SORCS3: variants seen among roughly 807,000 people sequenced by gnomAD.
SORCS3 encodes VPS10 domain-containing receptor SorCS3.
SORCS3 carries 57 observed loss-of-function variants against 146.3 expected under a neutral mutation model. That is an observed-to-expected ratio of 0.39 (90% confidence interval 0.31 to 0.49). The LOEUF (loss-of-function observed/expected upper bound fraction) is 0.49, where lower values mean the gene tolerates loss of function less well. Among genes scored for constraint, SORCS3 ranks in the 20% least tolerant of loss-of-function variants. The probability of loss-of-function intolerance (pLI) is 0.92; values close to 1 mark genes in which losing one functional copy is unlikely to be tolerated. For synonymous variants in SORCS3, 653 were observed against 618.5 expected (o/e 1.06, Z -0.83); for missense variants, 1,341 against 1,575.5 (o/e 0.85, Z 2.52).
intron 1 of SORCS3, among the ~76,000 whole-genome samples, chr10:104,678,777 G>T (rs976980535): frequency 2.0e-5 from 3 of 152,202 alleles, no homozygotes; most frequent in Non-Finnish European, 2.9e-5. Context: ...TACTATGGAG[G>T]TTTAAAGAAA....
At chr10:104,980,669 G>A (rs983845935) in intron 4 of SORCS3, among the ~76,000 whole-genome samples, 6 of 152,160 alleles carry the variant, frequency 3.9e-5, no homozygotes, top group Non-Finnish European at 5.9e-5. Flanking sequence ...TTGTGCCTTT[G>A]ATGAAATGCA....
At position 105,214,576 on chromosome 10, in the gene SORCS3, A is replaced by G; in HGVS notation, c.2510A>G (p.Gln837Arg). The G allele has an allele frequency of 1.2e-6, 2 of 1,605,576 alleles. No homozygotes were observed. Among genetic ancestry groups the G allele is most frequent in the South Asian group, 1.1e-5 (1 of 89,860 alleles). ...VTTDGRLVAEQGHNATFIILM... is the reference protein window; with the variant it reads ...VTTDGRLVAERGHNATFIILM... Reference sequence around the variant, plus strand: ...ACCGATGGGCGGCTGGTGGCAGAGCAGGGGCACAATGCAACTTTCATCATC... The same window carrying G: ...ACCGATGGGCGGCTGGTGGCAGAGCGGGGGCACAATGCAACTTTCATCATC... The change falls in exon 18 of 27, where the codon CAG (glutamine) becomes CGG (arginine). Residue 837 changes from glutamine to arginine, a missense_variant. By Grantham distance (43) the Gln-to-Arg change is conservative. Transcript: ENST00000369701.
intron 4 of SORCS3, among the ~76,000 whole-genome samples, chr10:105,012,843 T>C (rs1408194984): frequency 6.6e-6 from 1 of 152,194 alleles, no homozygotes; most frequent in Non-Finnish European, 1.5e-5. Context: ...ATTAAAATCT[T>C]GGGCTTTAAA....
intron 3 of SORCS3, among the ~76,000 whole-genome samples, chr10:104,925,271 T>C (rs1036163932): frequency 6.6e-6 from 1 of 152,266 alleles, no homozygotes; most frequent in Non-Finnish European, 1.5e-5. Context: ...GTAGAACACA[T>C]GACTCGGTTG....
intron 1 of SORCS3, among the ~76,000 whole-genome samples, chr10:104,648,285 A>G (rs1394030215): frequency 1.3e-5 from 2 of 152,230 alleles, no homozygotes; most frequent in Admixed American, 6.5e-5. Context: ...AGACAGAAAC[A>G]TGGCAGCCTG....
chr10:105,133,231 T>G (rs1303886777), intron 7 of SORCS3, among the ~76,000 whole-genome samples: 1 of 152,104 alleles, frequency 6.6e-6, no homozygotes, highest in Non-Finnish European at 1.5e-5. Flanking sequence ...CAGGCAGGAG[T>G]TGAGAGTTCT....
chr10:104,867,467 G>A (rs953836627), intron 2 of SORCS3, among the ~76,000 whole-genome samples: 1 of 151,898 alleles, frequency 6.6e-6, no homozygotes, highest in Non-Finnish European at 1.5e-5. Context: ...CCACCACCAC[G>A]CCCGGCTAAT....
At chr10:105,097,578 T>A (rs1204781273) in intron 6 of SORCS3, among the ~76,000 whole-genome samples, 1 of 152,238 alleles carries the variant, frequency 6.6e-6, no homozygotes, top group Admixed American at 6.5e-5. Context: ...TTGGACAAAT[T>A]TCTTAGCCTT....
chr10:105,061,295 CTTTTTT>C (rs34217607), intron 5 of SORCS3, among the ~76,000 whole-genome samples: 1 of 118,490 alleles, frequency 8.4e-6, no homozygotes, highest in African/African-American at 3.2e-5. Flanking sequence ...AGTGGTGTTC[CTTTTTT>C]TTTTTTTTTT....
At chr10:104,890,347 G>GC in intron 2 of SORCS3, among the ~76,000 whole-genome samples, 1 of 151,148 alleles carries the variant, frequency 6.6e-6, no homozygotes, top group Non-Finnish European at 1.5e-5. Flanking sequence ...TTTTTCCTCA[G>GC]TTTTTTTTTG....
intron 5 of SORCS3, among the ~76,000 whole-genome samples, chr10:105,071,348 A>T (rs2055555200): frequency 6.6e-6 from 1 of 152,238 alleles, no homozygotes; most frequent in Non-Finnish European, 1.5e-5. Context: ...CATGAAGCAC[A>T]CGAGCTTCCT....
At chr10:105,241,048 G>A (rs2056819657) in intron 20 of SORCS3, among the ~76,000 whole-genome samples, 1 of 151,342 alleles carries the variant, frequency 6.6e-6, no homozygotes, top group African/African-American at 2.4e-5. Context: ...CCTATTTTGG[G>A]CTGCTATGAA....
At chr10:104,800,618 C>T (rs2017613960) in intron 1 of SORCS3, among the ~76,000 whole-genome samples, 1 of 152,052 alleles carries the variant, frequency 6.6e-6, no homozygotes, top group East Asian at 1.9e-4. Flanking sequence ...TCTGTACCAT[C>T]CTTTCAATTT....
intron 1 of SORCS3, among the ~76,000 whole-genome samples, chr10:104,740,129 C>G (rs764222206): frequency 3.3e-5 from 5 of 152,090 alleles, no homozygotes; most frequent in Non-Finnish European, 7.4e-5. Context: ...TTTTGCAGTG[C>G]GTACTAACAA....
At chr10:104,844,932 G>A (rs1190248772) in intron 2 of SORCS3, among the ~76,000 whole-genome samples, 3 of 152,284 alleles carry the variant, frequency 2.0e-5, no homozygotes, top group East Asian at 1.9e-4. Context: ...TATCTTTTAA[G>A]GGAGTTTATC....
chr10:105,192,789 C>T (rs1252283341), intron 14 of SORCS3, among the ~76,000 whole-genome samples: 1 of 152,110 alleles, frequency 6.6e-6, no homozygotes, highest in African/African-American at 2.4e-5. Context: ...TGTGGTCAAC[C>T]ATTCTCTTCT....
chr10:104,975,484 C>T, intron 3 of SORCS3, among the ~76,000 whole-genome samples: 1 of 152,120 alleles, frequency 6.6e-6, no homozygotes, highest in Admixed American at 6.6e-5. Context: ...GGCCATACTG[C>T]CCAAGGTAAT....
intron 3 of SORCS3, among the ~76,000 whole-genome samples, chr10:104,921,371 C>T (rs1026431869): frequency 8.5e-5 from 13 of 152,126 alleles, no homozygotes; most frequent in African/African-American, 3.1e-4. Flanking sequence ...ATTACTCTGG[C>T]TCCAAAGTGA....
intron 1 of SORCS3, among the ~76,000 whole-genome samples, chr10:104,800,243 C>CATATAT (rs3976795): frequency 2.4e-4 from 36 of 150,318 alleles, no homozygotes; most frequent in Admixed American, 7.3e-4. Flanking sequence ...CATATGATTT[C>CATATAT]ATATATATAT....
Sources: gnomAD v4.1 joint callset for allele counts (sites outside exome capture counted in the v4.1 genomes callset) on GRCh38, gnomAD v4.1.1 for gene constraint, MANE v1.5 for transcripts, NCBI Gene and HGNC (gene_info 2026-07-23, HGNC 2026-07-21) for gene names.